The following PDE3B variants were observed in gnomAD, a reference collection of about 807,000 sequenced individuals.
PDE3B encodes the protein cGMP-inhibited 3',5'-cyclic phosphodiesterase 3B.
PDE3B carries 66 observed loss-of-function variants against 116.8 expected under a neutral mutation model. The ratio of observed to expected loss-of-function variants is 0.56; its 90% CI spans 0.46 to 0.69. The LOEUF (loss-of-function observed/expected upper bound fraction) is 0.69, where lower values mean the gene tolerates loss of function less well. Ranked by LOEUF, PDE3B falls within the 30% of genes least tolerant of loss-of-function variation. The pLI, the probability that PDE3B is intolerant of heterozygous loss-of-function variation, is 0.00. For synonymous variants in PDE3B, 595 were observed against 533.6 expected (o/e 1.12, Z -1.59); for missense variants, 1,384 against 1,368.1 (o/e 1.01, Z -0.18).
At chr11:14,651,892 G>A (rs1421076564) in intron 1 of PDE3B, among the ~76,000 whole-genome samples, 1 of 152,114 alleles carries the variant, frequency 6.6e-6, no homozygotes, top group African/African-American at 2.4e-5. Flanking sequence ...CACTATCTTA[G>A]TTATAATAGC....
At chr11:14,822,516 A>G (rs1209407167) in intron 7 of PDE3B, among the ~76,000 whole-genome samples, 1 of 152,166 alleles carries the variant, frequency 6.6e-6, no homozygotes, top group African/African-American at 2.4e-5. Context: ...TCCCTCGCCC[A>G]GGGAAGCATG....
chr11:14,704,938 GA>G (rs1321357014), intron 1 of PDE3B, among the ~76,000 whole-genome samples: 1 of 151,214 alleles, frequency 6.6e-6, no homozygotes, highest in Non-Finnish European at 1.5e-5. Flanking sequence ...GTTAACATAG[GA>G]AAAATATTTA....
At chr11:14,841,373 T>A (rs113916112) in intron 11 of PDE3B, among the ~76,000 whole-genome samples, 1 of 147,708 alleles carries the variant, frequency 6.8e-6, no homozygotes, top group Non-Finnish European at 1.5e-5. Context: ...AATATATATA[T>A]GAATTATATA....
intron 10 of PDE3B, among the ~76,000 whole-genome samples, chr11:14,833,756 G>A (rs571994572): frequency 6.6e-6 from 1 of 152,086 alleles, no homozygotes; most frequent in Admixed American, 6.5e-5. Context: ...TCTTCAATTG[G>A]CATAACTCAC....
intron 12 of PDE3B, among the ~76,000 whole-genome samples, chr11:14,853,840 G>T (rs1645226296): frequency 6.6e-6 from 1 of 152,216 alleles, no homozygotes; most frequent in Non-Finnish European, 1.5e-5. Context: ...GAAGTTGGCT[G>T]AAAGATGCAG....
intron 1 of PDE3B, among the ~76,000 whole-genome samples, chr11:14,669,634 C>T (rs923460732): frequency 2.8e-5 from 4 of 144,904 alleles, no homozygotes; most frequent in African/African-American, 5.1e-5. Flanking sequence ...ACGACAGGCC[C>T]CATTGTGTGA....
intron 2 of PDE3B, among the ~76,000 whole-genome samples, chr11:14,778,051 C>T (rs556831838): frequency 8.5e-5 from 13 of 152,284 alleles, no homozygotes; most frequent in South Asian, 2.1e-4. Flanking sequence ...TCCACACCCA[C>T]GGAACCTCGC....
At position 14,644,614 on chromosome 11, in the gene PDE3B, A is replaced by T. The variant is rs1257971143; in HGVS notation, c.539A>T (p.Asp180Val). ...QWWSWPWGDG[D>V]AGSAAPHTPP... ...TGGTCTTGGCCTTGGGGGGATGGCG[A>T]CGCAGGGTCCGCGGCCCCGCACACG... Residue 180 changes from aspartate (D) to valine (V), a missense_variant, in exon 1 of 16, where the codon GAC (aspartate) becomes GTC (valine). This residue lies in a region of PDE3B where 956 missense variants were observed against 806.8 expected (regional missense o/e 1.18). Transcript: ENST00000282096. 1.3e-6 allele frequency: 2 copies of T among 1,537,446 alleles called. No homozygotes were observed. The highest frequency in any genetic ancestry group is 2.5e-5 in the South Asian group (2 of 81,456).
chr11:14,785,115 T>C (rs1386426200), intron 2 of PDE3B, among the ~76,000 whole-genome samples: 2 of 152,170 alleles, frequency 1.3e-5, no homozygotes, highest in East Asian at 3.8e-4. Context: ...TGCTGTTATA[T>C]ACAATTAGAA....
intron 1 of PDE3B, among the ~76,000 whole-genome samples, chr11:14,721,919 G>T (rs1856111103): frequency 8.1e-6 from 1 of 123,908 alleles, no homozygotes; most frequent in African/African-American, 3.2e-5. Context: ...AAAACTTAAA[G>T]TATAATTAAA....
intron 1 of PDE3B, among the ~76,000 whole-genome samples, chr11:14,716,227 C>G (rs955569613): frequency 2.0e-5 from 3 of 152,198 alleles, no homozygotes; most frequent in African/African-American, 7.2e-5. Flanking sequence ...TAAAAAACGG[C>G]GCACCACGAG....
At chr11:14,887,566 A>T in the PDE3B span, 1 of 981,418 alleles carries the variant, frequency 1.0e-6, no homozygotes, top group Non-Finnish European at 1.2e-6. Flanking sequence ...TTTTAGTGCC[A>T]ATTATGGGCT....
intron 1 of PDE3B, among the ~76,000 whole-genome samples, chr11:14,750,553 A>C (rs893384550): frequency 3.3e-5 from 5 of 151,968 alleles, no homozygotes; most frequent in African/African-American, 1.2e-4. Context: ...AATTATAAGA[A>C]CATATATTAT....
intron 2 of PDE3B, among the ~76,000 whole-genome samples, chr11:14,782,833 A>AT (rs1181852610): frequency 6.6e-6 from 1 of 152,160 alleles, no homozygotes; most frequent in African/African-American, 2.4e-5. Flanking sequence ...AACCTACAGA[A>AT]TGGGAGAAAA....
chr11:14,827,169 C>T (rs1264246344), intron 7 of PDE3B, among the ~76,000 whole-genome samples: 1 of 152,142 alleles, frequency 6.6e-6, no homozygotes, highest in Non-Finnish European at 1.5e-5. Context: ...GAACATACCT[C>T]AAAATAATAA....
At chr11:14,806,711 T>A (rs1196309229) in intron 5 of PDE3B, among the ~76,000 whole-genome samples, 1 of 147,144 alleles carries the variant, frequency 6.8e-6, no homozygotes, top group Non-Finnish European at 1.5e-5. Context: ...TACAAAAAAT[T>A]AGCCGGGCGT....
chr11:14,884,999 C>T, the PDE3B span, among the ~76,000 whole-genome samples: 1 of 152,098 alleles, frequency 6.6e-6, no homozygotes, highest in South Asian at 2.1e-4. Flanking sequence ...GCTTTCTCTG[C>T]ATTAGTTCAT....
chr11:14,744,676 C>T (rs1417964672), intron 1 of PDE3B, among the ~76,000 whole-genome samples: 1 of 152,060 alleles, frequency 6.6e-6, no homozygotes, highest in Admixed American at 6.6e-5. Context: ...TTCTAAGCAT[C>T]CTGAAAGGCT....
chr11:14,663,878 A>G (rs1309382081), intron 1 of PDE3B, among the ~76,000 whole-genome samples: 4 of 152,240 alleles, frequency 2.6e-5, no homozygotes, highest in Non-Finnish European at 4.4e-5. Context: ...GTTAACAAGG[A>G]TACCCAGGAA....
Sources: gnomAD v4.1 joint callset for allele counts (sites outside exome capture counted in the v4.1 genomes callset) on GRCh38, gnomAD v4.1.1 for gene constraint, gnomAD v4.1.1 regional missense constraint, MANE v1.5 for transcripts, NCBI Gene and HGNC (gene_info 2026-07-23, HGNC 2026-07-21) for gene names.